Variants in GAPVD1 observed in about 807,000 individuals in gnomAD.
The protein encoded by GAPVD1 is GTPase-activating protein and VPS9 domain-containing protein 1.
Under a neutral mutation model 155.5 loss-of-function variants are expected in GAPVD1, and 35 were observed. The observed-to-expected ratio is 0.23, with a 90% CI of 0.17 to 0.30. The LOEUF (loss-of-function observed/expected upper bound fraction) is 0.30, where lower values mean the gene tolerates loss of function less well. GAPVD1 is among the 10% of genes least tolerant of loss of function. The pLI is 1.00. For missense variants in GAPVD1, 1,429 were observed against 1,775.7 expected (o/e 0.80, Z 3.51); for synonymous variants, 636 against 619.7 (o/e 1.03, Z -0.39).
At chr9:125,317,115 C>T (rs749011272) in intron 9 of GAPVD1, among the ~76,000 whole-genome samples, 1 of 151,534 alleles carries the variant, frequency 6.6e-6, no homozygotes. Context: ...GTCAGGAGTT[C>T]GAGACCAGCC....
At chr9:125,292,057 G>A (rs968982605) in intron 2 of GAPVD1, among the ~76,000 whole-genome samples, 1 of 151,948 alleles carries the variant, frequency 6.6e-6, no homozygotes, top group African/African-American at 2.4e-5. Flanking sequence ...GAGCAACATG[G>A]TGAGACTCTG....
intron 2 of GAPVD1, among the ~76,000 whole-genome samples, chr9:125,279,692 T>C (rs1342228675): frequency 6.6e-6 from 1 of 151,442 alleles, no homozygotes; most frequent in Non-Finnish European, 1.5e-5. Flanking sequence ...ATCTTTCCCA[T>C]ACATAATCTT....
At chr9:125,300,039 ATATATATAT>A (rs1268830899) in intron 4 of GAPVD1, among the ~76,000 whole-genome samples, 152 of 15,144 alleles carry the variant, frequency 0.01, 40 homozygotes, top group Non-Finnish European at 0.012. Context: ...AAAAAAAAAA[ATATATATAT>A]ATATATATAT....
At chr9:125,306,642 G>A (rs1248578919) in intron 6 of GAPVD1, among the ~76,000 whole-genome samples, 3 of 151,896 alleles carry the variant, frequency 2.0e-5, no homozygotes, top group Non-Finnish European at 2.9e-5. Context: ...GCAGGTGCGC[G>A]CCACCACACC....
chr9:125,338,025 G>A (rs773207203), intron 17 of GAPVD1, among the ~76,000 whole-genome samples: 1 of 152,022 alleles, frequency 6.6e-6, no homozygotes, highest in East Asian at 1.9e-4. Flanking sequence ...ACAGGCATGC[G>A]CCACCACACC....
chr9:125,307,342 C>A, intron 6 of GAPVD1, 71 bp from the exon 7 acceptor site: 2 of 1,042,836 alleles, frequency 1.9e-6, no homozygotes, highest in Admixed American at 2.7e-5. Context: ...CATGCTTGTC[C>A]ACCTTAATGA....
chr9:125,343,338 C>G (rs576517217), intron 19 of GAPVD1, among the ~76,000 whole-genome samples: 1 of 152,094 alleles, frequency 6.6e-6, no homozygotes, highest in Admixed American at 6.5e-5. Flanking sequence ...TCATTTCTCA[C>G]CTCTTTTTTT....
At chr9:125,270,281 T>A (rs1834682580) in intron 2 of GAPVD1, among the ~76,000 whole-genome samples, 1 of 151,310 alleles carries the variant, frequency 6.6e-6, no homozygotes, top group South Asian at 2.1e-4. Context: ...ATACAAAAAT[T>A]AGCTGGGTGT....
intron 2 of GAPVD1, among the ~76,000 whole-genome samples, chr9:125,280,764 A>G (rs1326885883): frequency 1.3e-5 from 2 of 151,354 alleles, no homozygotes; most frequent in African/African-American, 4.8e-5. Flanking sequence ...TTTAGTAGAG[A>G]TGGGGTTTCA....
intron 18 of GAPVD1, chr9:125,341,923 A>G: frequency 9.3e-6 from 2 of 215,648 alleles, no homozygotes; most frequent in Non-Finnish European, 1.8e-5. Context: ...GAGAGAATGA[A>G]GCTAGGAGTT....
chr9:125,349,588 C>G, intron 21 of GAPVD1, 69 bp downstream of exon 21: 1 of 1,360,332 alleles, frequency 7.4e-7, no homozygotes, highest in Non-Finnish European at 1.0e-6. Flanking sequence ...CACGTCAAGT[C>G]AAGTGATGTT....
chr9:125,339,441 C>G (rs534755571), intron 17 of GAPVD1, among the ~76,000 whole-genome samples: 3 of 152,308 alleles, frequency 2.0e-5, no homozygotes, highest in East Asian at 3.9e-4. Context: ...TACTTTCTGG[C>G]AAAAGATGTT....
At chr9:125,299,662 GA>G (rs965004604) in intron 4 of GAPVD1, among the ~76,000 whole-genome samples, 1,893 of 144,448 alleles carry the variant, frequency 0.013, 36 homozygotes, top group African/African-American at 0.046. Context: ...CTCCTCAAAA[GA>G]AAAAAAAAAT....
At chr9:125,319,792 G>A (rs1844022298) in intron 9 of GAPVD1, among the ~76,000 whole-genome samples, 2 of 151,848 alleles carry the variant, frequency 1.3e-5, no homozygotes, top group Admixed American at 1.3e-4. Context: ...GTAGAGATGG[G>A]ATTTTGCCAC....
intron 23 of GAPVD1, among the ~76,000 whole-genome samples, chr9:125,353,818 G>C (rs1400254704): frequency 6.6e-6 from 1 of 152,080 alleles, no homozygotes; most frequent in Non-Finnish European, 1.5e-5. Flanking sequence ...CACAACACAT[G>C]GAAATTCAAG....
chr9:125,301,646 C>T (rs957523036), intron 4 of GAPVD1, among the ~76,000 whole-genome samples: 4 of 151,802 alleles, frequency 2.6e-5, no homozygotes, highest in South Asian at 2.1e-4. Flanking sequence ...ATGGGAGTTT[C>T]GCCGTGTTGG....
intron 1 of GAPVD1, among the ~76,000 whole-genome samples, chr9:125,268,342 C>A (rs1425763993): frequency 6.6e-6 from 1 of 152,036 alleles, no homozygotes; most frequent in African/African-American, 2.4e-5. Context: ...TTCTTATTAC[C>A]TTACATGGTA....
rs771609484 is a variant in GAPVD1, at chr9:125,326,417, TACA to T, written c.1864_1866del (p.Thr622del). 6.2e-7 allele frequency: 1 copy of T among 1,608,442 alleles called. No homozygotes were observed. The highest frequency in any genetic ancestry group is 8.5e-7 in the Non-Finnish European group (1 of 1,175,266). On this transcript the variant is annotated inframe_deletion and splice_region_variant, in exon 12 of 28. Coordinates refer to ENST00000297933, the MANE Select transcript of GAPVD1 (RefSeq NM_001282680.3). The stretch of plus-strand genomic sequence containing the variant: ...AGTGCTTAATTTTGTTTTTGATAGC[TACA>T]ACACAGGATAACCTTGATGATAAGC...
At chr9:125,278,197 A>G (rs1260392936) in intron 2 of GAPVD1, among the ~76,000 whole-genome samples, 1 of 152,172 alleles carries the variant, frequency 6.6e-6, no homozygotes, top group Non-Finnish European at 1.5e-5. Context: ...TGGATTGGTT[A>G]AGTCCCTGAA....
Sources: gnomAD v4.1 joint callset for allele counts (sites outside exome capture counted in the v4.1 genomes callset) on GRCh38, gnomAD v4.1.1 for gene constraint, MANE v1.5 for transcripts, NCBI Gene and HGNC (gene_info 2026-07-23, HGNC 2026-07-21) for gene names.